STX7: variants seen among roughly 807,000 people sequenced by gnomAD.
STX7 encodes the protein syntaxin 7.
A neutral mutation model predicts 39.6 loss-of-function variants in STX7; 34 were observed. The observed-to-expected ratio is 0.86, with a 90% CI of 0.65 to 1.14. The LOEUF (loss-of-function observed/expected upper bound fraction) is 1.14, where lower values mean the gene tolerates loss of function less well. Ranked by LOEUF, STX7 falls within the 50% of genes most tolerant of loss-of-function variation. STX7 has a pLI of 0.00. For missense variants in STX7, 284 were observed against 310.4 expected, an observed-to-expected ratio of 0.92 and a Z score of 0.64; for synonymous variants, 119 against 99.1, an observed-to-expected ratio of 1.20 and a Z score of -1.19.
Position 132,447,602 on chromosome 6 carries a change from T to C in STX7, c.*13156A>G, listed in dbSNP as rs528462709. 7 of 152,232 alleles carry C rather than the reference T, an allele frequency of 4.6e-5. No individual in the cohort carries two copies. The highest frequency in any genetic ancestry group is 1.7e-4 in the African/African-American group (7 of 41,576). 9.4% of individuals were successfully genotyped at this position (152,232 alleles called of 1,614,324 possible). A position where few individuals can be genotyped will look rare whatever the true frequency, so the allele number is the denominator to read the frequency against. On this transcript the variant is annotated 3_prime_UTR_variant, in exon 10 of 10. Coordinates refer to ENST00000367941, the MANE Select transcript of STX7 (RefSeq NM_003569.3). ...CTACATTTTTACTTTAATAACTTTG[T>C]TTAGAACTGTTATACCTACTTCAGT...
chr6:132,510,096 T>C (rs1014266652), intron 1 of STX7, among the ~76,000 whole-genome samples: 1 of 152,200 alleles, frequency 6.6e-6, no homozygotes, highest in South Asian at 2.1e-4. Context: ...GGGAAGGGGA[T>C]AGCCAAAGGT....
chr6:132,501,912 T>C (rs1204223866), intron 2 of STX7, among the ~76,000 whole-genome samples: 1 of 150,262 alleles, frequency 6.7e-6, no homozygotes, highest in East Asian at 2.0e-4. Context: ...GGCTCTTCTG[T>C]GGCCACCATC....
intron 9 of STX7, chr6:132,461,924 A>G (rs1387763576): frequency 2.9e-6 from 4 of 1,378,936 alleles, no homozygotes; most frequent in African/African-American, 1.5e-5. Context: ...AATATTTATA[A>G]AAAGATACAT....
At chr6:132,484,755 C>T (rs974949509) in intron 2 of STX7, among the ~76,000 whole-genome samples, 1 of 152,122 alleles carries the variant, frequency 6.6e-6, no homozygotes, top group Non-Finnish European at 1.5e-5. Context: ...TGAAGGCTGA[C>T]CAGCAAGTAG....
At chr6:132,486,050 T>C (rs1775124565) in intron 2 of STX7, among the ~76,000 whole-genome samples, 1 of 152,252 alleles carries the variant, frequency 6.6e-6, no homozygotes, top group Admixed American at 6.5e-5. Flanking sequence ...TTTATTTTTG[T>C]ACATTGATCA....
rs534265361 is a variant in STX7 at position 132,513,113 on chromosome 6, G to C, written c.-165C>G. The C allele has an allele frequency of 3.9e-4, 59 of 152,510 alleles. No individual in the cohort carries two copies. Among genetic ancestry groups the C allele is most frequent in the African/African-American group, 1.3e-3 (56 of 41,604 alleles). 9.4% of individuals were successfully genotyped at this position (152,510 alleles called of 1,614,324 possible). On this transcript the variant is annotated 5_prime_UTR_variant, in exon 1 of 10. Coordinates refer to ENST00000367941, the MANE Select transcript of STX7 (RefSeq NM_003569.3). ...ATGGGCGGTGGCGTGGGGACGCCCA[G>C]TGCGCATGCCCGCAGCACAACTCAG... is the stretch of plus-strand genomic sequence containing the variant.
intron 8 of STX7, among the ~76,000 whole-genome samples, chr6:132,466,630 T>G (rs901043079): frequency 1.3e-5 from 2 of 152,206 alleles, no homozygotes; most frequent in Non-Finnish European, 2.9e-5. Flanking sequence ...CACCCAATCT[T>G]GTGGTGTTAA....
Position 132,458,533 on chromosome 6 carries a change from A to T in STX7, c.*2225T>A, listed in dbSNP as rs1051934467. 1.3e-5 allele frequency: 2 copies of T among 152,222 alleles called. No individual in the cohort carries two copies. Among genetic ancestry groups the T allele is most frequent in the Non-Finnish European group, 2.9e-5 (2 of 68,044 alleles). 9.4% of individuals were successfully genotyped at this position (152,222 alleles called of 1,614,324 possible). ...ACAAATGTATAGTCACTTGATGAGG[A>T]AATTCTTCACTTTGACTCAAATGGA... On this transcript the variant is annotated 3_prime_UTR_variant, in exon 10 of 10. Coordinates refer to ENST00000367941, the MANE Select transcript of STX7 (RefSeq NM_003569.3).
At chr6:132,472,117 G>A (rs1774737987) in intron 4 of STX7, among the ~76,000 whole-genome samples, 165 bp downstream of exon 4, 2 of 152,192 alleles carry the variant, frequency 1.3e-5, no homozygotes, top group Admixed American at 6.5e-5. Context: ...TACTACCTGA[G>A]CAATTAAATA....
chr6:132,461,932 C>A, intron 9 of STX7: 2 of 1,343,058 alleles, frequency 1.5e-6, no homozygotes, highest in Non-Finnish European at 2.0e-6. Flanking sequence ...TAAAAAGATA[C>A]ATTTCTGAGT....
intron 1 of STX7, among the ~76,000 whole-genome samples, chr6:132,507,755 T>G (rs1289152328): frequency 6.6e-6 from 1 of 152,366 alleles, no homozygotes; most frequent in East Asian, 1.9e-4. Context: ...CCTTTCCCTC[T>G]ATCAAGTAGA....
chr6:132,498,590 T>C (rs1431223148), intron 2 of STX7, among the ~76,000 whole-genome samples: 15 of 152,234 alleles, frequency 9.9e-5, no homozygotes, highest in Non-Finnish European at 1.5e-5. Context: ...ATCTTCTCTT[T>C]AGGTTTCTTT....
At chr6:132,491,939 A>G (rs753432045) in intron 2 of STX7, among the ~76,000 whole-genome samples, 1 of 152,052 alleles carries the variant, frequency 6.6e-6, no homozygotes, top group South Asian at 2.1e-4. Flanking sequence ...ACTCTTGCAT[A>G]TATCTTAAGC....
chr6:132,473,474 T>C (rs1206494810), intron 3 of STX7, among the ~76,000 whole-genome samples: 2 of 151,408 alleles, frequency 1.3e-5, no homozygotes, highest in African/African-American at 4.8e-5. Flanking sequence ...GCTATGTAAA[T>C]AGTTGCTATA....
chr6:132,457,324 G>A lies in STX7; in HGVS notation c.*3434C>T, dbSNP rs1774266971. The A allele has an allele frequency of 6.6e-6, 1 of 152,184 alleles. No individual in the cohort carries two copies. Among genetic ancestry groups the A allele is most frequent in the Non-Finnish European group, 1.5e-5 (1 of 68,038 alleles). 9.4% of individuals were successfully genotyped at this position (152,184 alleles called of 1,614,324 possible). ...GAGATGCTGCTTTATCCAATCTACT[G>A]ACTTTGGAAAATCCAGCTGAAATGA... On this transcript the variant is annotated 3_prime_UTR_variant, in exon 10 of 10. Transcript: ENST00000367941.
chr6:132,478,208 G>A (rs1247558820), intron 2 of STX7, among the ~76,000 whole-genome samples: 1 of 151,274 alleles, frequency 6.6e-6, no homozygotes, highest in Non-Finnish European at 1.5e-5. Flanking sequence ...AAAGAAAAAT[G>A]GGCCAAGAAT....
intron 2 of STX7, among the ~76,000 whole-genome samples, chr6:132,491,787 C>T (rs1223587570): frequency 1.3e-5 from 2 of 152,196 alleles, no homozygotes; most frequent in East Asian, 1.9e-4. Context: ...TTAGAAATCA[C>T]CTCCTGCATG....
At position 132,478,264 on chromosome 6, in the gene STX7, C is replaced by T. The variant is rs370945138; in HGVS notation, c.86-2602G>A. 3.3e-5 allele frequency among the ~76,000 whole-genome samples: 5 copies of T among 151,970 alleles called. No homozygotes were observed. In the East Asian group the frequency reaches 7.7e-4, roughly 23 times the overall value. On this transcript the variant is annotated intron_variant, in intron 2 of 9. Coordinates refer to ENST00000367941, the MANE Select transcript of STX7 (RefSeq NM_003569.3). Reference sequence around the variant, plus strand: ...ATAAACTGAATAGCAAAAAAAGGACCGAAATGCATATCAATTTTGCAAAGT... The same window carrying T: ...ATAAACTGAATAGCAAAAAAAGGACTGAAATGCATATCAATTTTGCAAAGT...
At chr6:132,489,884 T>G (rs1472431083) in intron 2 of STX7, among the ~76,000 whole-genome samples, 1 of 152,188 alleles carries the variant, frequency 6.6e-6, no homozygotes, top group African/African-American at 2.4e-5. Context: ...TTAAAGCTAT[T>G]GTAGATTAAT....
Sources: gnomAD v4.1 joint callset for allele counts (sites outside exome capture counted in the v4.1 genomes callset) on GRCh38, gnomAD v4.1.1 for gene constraint, MANE v1.5 for transcripts, NCBI Gene and HGNC (gene_info 2026-07-23, HGNC 2026-07-21) for gene names.